The following ZBTB16 variants were observed in gnomAD, a reference collection of about 807,000 sequenced individuals.
ZBTB16 encodes the protein zinc finger and BTB domain containing 16.
A neutral mutation model predicts 56.8 loss-of-function variants in ZBTB16; 8 were observed. That is an observed-to-expected ratio of 0.14 (90% CI 0.08 to 0.25). The LOEUF (loss-of-function observed/expected upper bound fraction) is 0.25, where lower values mean the gene tolerates loss of function less well. Ranked by LOEUF, ZBTB16 falls within the 10% of genes least tolerant of loss-of-function variation. ZBTB16 has a pLI of 1.00. For synonymous variants in ZBTB16, 363 were observed against 368.5 expected (o/e 0.98, Z 0.17); for missense variants, 625 against 903.0 (o/e 0.69, Z 3.95).
At chr11:114,245,094 C>T (rs1236661694) in intron 5 of ZBTB16, among the ~76,000 whole-genome samples, 2 of 152,208 alleles carry the variant, frequency 1.3e-5, no homozygotes, top group African/African-American at 4.8e-5. Context: ...GGTGCACACA[C>T]AGACTGGCCC....
At chr11:114,208,364 C>G (rs560776355) in intron 4 of ZBTB16, among the ~76,000 whole-genome samples, 64 of 152,264 alleles carry the variant, frequency 4.2e-4, no homozygotes, top group African/African-American at 1.5e-3. Flanking sequence ...TCTTCACTTG[C>G]CAGGTGAAGG....
At chr11:114,095,948 C>T (rs1023842158) in intron 2 of ZBTB16, among the ~76,000 whole-genome samples, 2 of 152,146 alleles carry the variant, frequency 1.3e-5, no homozygotes, top group Admixed American at 6.5e-5. Flanking sequence ...CCTTTTCTCT[C>T]CCTGTAGGCT....
intron 4 of ZBTB16, among the ~76,000 whole-genome samples, chr11:114,235,693 T>TCTATCTTTCTTTCTA (rs10669266): frequency 8.7e-6 from 1 of 114,304 alleles, no homozygotes; most frequent in Admixed American, 9.6e-5. Context: ...TTTCTTTCTT[T>TCTATCTTTCTTTCTA]TCTTTCTTTC....
intron 4 of ZBTB16, among the ~76,000 whole-genome samples, chr11:114,235,699 CTTTCT>C (rs1565701797): frequency 3.3e-4 from 38 of 116,898 alleles, no homozygotes; most frequent in South Asian, 1.1e-3. Context: ...TCTTTTCTTT[CTTTCT>C]TTTCTTTCTT....
chr11:114,185,894 T>C (rs990401177), intron 3 of ZBTB16, among the ~76,000 whole-genome samples: 6 of 152,236 alleles, frequency 3.9e-5, no homozygotes, highest in African/African-American at 7.2e-5. Context: ...TCTGAGAAAG[T>C]TTATTAAATT....
At chr11:114,160,560 A>G (rs906082464) in intron 3 of ZBTB16, among the ~76,000 whole-genome samples, 1 of 152,202 alleles carries the variant, frequency 6.6e-6, no homozygotes, top group Non-Finnish European at 1.5e-5. Context: ...GAAATTGACA[A>G]TTTGTTTAAT....
At chr11:114,199,378 C>T (rs948123547) in intron 4 of ZBTB16, among the ~76,000 whole-genome samples, 1 of 147,518 alleles carries the variant, frequency 6.8e-6, no homozygotes, top group African/African-American at 2.5e-5. Flanking sequence ...GACATGGATG[C>T]CGCTGGGCCC....
rs1182365605 is a variant in ZBTB16, at chr11:114,143,413, A to G, written c.1269-12924A>G. On this transcript the variant is annotated intron_variant, in intron 2 of 6. Coordinates refer to ENST00000335953, the MANE Select transcript of ZBTB16 (RefSeq NM_006006.6). This position sits in a 1 kb window ranked among gnomAD's most constrained non-coding sequence, Gnocchi z 6.4. Reference sequence around the variant, plus strand: ...CAACAGAAACACACTTAAAAGACAGAGGCTGGGGGGGAAAGGGGGTCAGCT... The same window carrying G: ...CAACAGAAACACACTTAAAAGACAGGGGCTGGGGGGGAAAGGGGGTCAGCT... Among the ~76,000 whole-genome samples, 1 of 150,512 alleles carries G rather than the reference A, an allele frequency of 6.6e-6. No homozygotes were observed. Among genetic ancestry groups the G allele is most frequent in the Non-Finnish European group, 1.5e-5 (1 of 67,690 alleles).
At chr11:114,207,621 A>G (rs1324147513) in intron 4 of ZBTB16, among the ~76,000 whole-genome samples, 1 of 151,312 alleles carries the variant, frequency 6.6e-6, no homozygotes, top group East Asian at 1.9e-4. Flanking sequence ...ACACACACAC[A>G]CACACATATT....
intron 2 of ZBTB16, among the ~76,000 whole-genome samples, chr11:114,126,052 C>T (rs1941500148): frequency 6.6e-6 from 1 of 152,188 alleles, no homozygotes; most frequent in South Asian, 2.1e-4. Flanking sequence ...GTCATATCCA[C>T]AGCCTCCTGC....
intron 3 of ZBTB16, among the ~76,000 whole-genome samples, chr11:114,167,263 G>A (rs1462723117): frequency 4.2e-5 from 3 of 71,138 alleles, no homozygotes; most frequent in Admixed American, 2.2e-4. Context: ...TGACAAGCTT[G>A]GTTTTCAGCA....
At chr11:114,240,192 G>A (rs1365213141) in intron 4 of ZBTB16, among the ~76,000 whole-genome samples, 2 of 152,164 alleles carry the variant, frequency 1.3e-5, no homozygotes, top group African/African-American at 4.8e-5. Flanking sequence ...AAAGGGAAGG[G>A]ATATCAGGGT....
intron 2 of ZBTB16, among the ~76,000 whole-genome samples, chr11:114,104,786 A>G (rs1199836768): frequency 1.3e-5 from 2 of 152,338 alleles, no homozygotes; most frequent in Admixed American, 6.5e-5. Context: ...TTAAATGGAC[A>G]TAGACCAATT....
At chr11:114,082,197 T>C (rs1242648050) in intron 2 of ZBTB16, among the ~76,000 whole-genome samples, 4 of 151,848 alleles carry the variant, frequency 2.6e-5, no homozygotes, top group Non-Finnish European at 5.9e-5. Flanking sequence ...GGAGGATGGC[T>C]TGAACTTATA....
In ZBTB16 at chr11:114,212,688, T is replaced by C. The variant is rs191386063; in HGVS notation, c.1453+25650T>C. Reference sequence around the variant, plus strand: ...AGCTGCTTTGGATGCCAAGTGAAGATAAATGTAATGATACCTTTGCTGTCG... The same window carrying C: ...AGCTGCTTTGGATGCCAAGTGAAGACAAATGTAATGATACCTTTGCTGTCG... On this transcript the variant is annotated intron_variant, in intron 4 of 6. Coordinates refer to ENST00000335953, the MANE Select transcript of ZBTB16 (RefSeq NM_006006.6). 3.9e-5 allele frequency among the ~76,000 whole-genome samples: 6 copies of C among 152,308 alleles called. No homozygotes were observed. The East Asian group carries it at 1.2e-3, about 29-fold the overall frequency.
chr11:114,133,891 C>T (rs1278511772), intron 2 of ZBTB16, among the ~76,000 whole-genome samples: 1 of 152,208 alleles, frequency 6.6e-6, no homozygotes, highest in Non-Finnish European at 1.5e-5. Flanking sequence ...GGCAGCTATC[C>T]CTCATGGATC....
intron 3 of ZBTB16, among the ~76,000 whole-genome samples, chr11:114,163,425 G>T (rs537218175): frequency 6.7e-6 from 1 of 149,094 alleles, no homozygotes; most frequent in East Asian, 1.9e-4. Flanking sequence ...GTTTTTTTTG[G>T]TTTTTGTTTT....
chr11:114,173,938 G>A (rs1943038556), intron 3 of ZBTB16, among the ~76,000 whole-genome samples: 3 of 152,242 alleles, frequency 2.0e-5, no homozygotes, highest in Admixed American at 1.3e-4. Context: ...TGCCTAAGAA[G>A]GGAGTTAAGC....
intron 3 of ZBTB16, among the ~76,000 whole-genome samples, chr11:114,167,414 T>C (rs1942812801): frequency 2.7e-5 from 1 of 37,688 alleles, no homozygotes; most frequent in Non-Finnish European, 4.4e-5. Flanking sequence ...ATTCTCCCTC[T>C]ACCCCTTGCT....
Sources: gnomAD v4.1 joint callset for allele counts (sites outside exome capture counted in the v4.1 genomes callset) on GRCh38, gnomAD v4.1.1 for gene constraint, Gnocchi (gnomAD v3.1) non-coding constraint, MANE v1.5 for transcripts, NCBI Gene and HGNC (gene_info 2026-07-23, HGNC 2026-07-21) for gene names.